GSE1: variants seen among roughly 807,000 people sequenced by gnomAD.
GSE1 encodes Gse1 coiled-coil protein.
In GSE1, 32 loss-of-function variants were observed where a neutral mutation model predicts 112.6. That is an observed-to-expected ratio of 0.28 (90% CI 0.21 to 0.38). The LOEUF (loss-of-function observed/expected upper bound fraction) is 0.38. Among genes scored for constraint, GSE1 ranks in the 10% least tolerant of loss-of-function variants. GSE1 has a pLI of 1.00. For missense variants in GSE1, 2,348 were observed against 1,699.2 expected, an observed-to-expected ratio of 1.38 and a Z score of -6.71; for synonymous variants, 1,115 against 735.6, an observed-to-expected ratio of 1.52 and a Z score of -8.35.
At chr16:85,450,709 A>G (rs1173969934) in intron 2 of GSE1, among the ~76,000 whole-genome samples, 1 of 149,594 alleles carries the variant, frequency 6.7e-6, no homozygotes, top group Non-Finnish European at 1.5e-5. Flanking sequence ...TTGGCCTCCC[A>G]AAGTGCTGGG....
chr16:85,213,020 C>T (rs576778297), intron 1 of GSE1, among the ~76,000 whole-genome samples: 133 of 152,178 alleles, frequency 8.7e-4, no homozygotes, highest in Non-Finnish European at 4.9e-4. Flanking sequence ...CCTGTAATCC[C>T]AACACTTTGG....
At chr16:85,624,321 C>T (rs2048927935) in intron 1 of GSE1, among the ~76,000 whole-genome samples, 1 of 152,198 alleles carries the variant, frequency 6.6e-6, no homozygotes, top group Admixed American at 6.5e-5. Context: ...GGAAGGCAGC[C>T]TGGTCAGCTC....
In GSE1 at chr16:85,194,991, C is replaced by G. The variant is rs941816632; in HGVS notation, c.2283+23184C>G. Among the ~76,000 whole-genome samples, 9 of 152,186 alleles carry G rather than the reference C, an allele frequency of 5.9e-5. No individual in the cohort carries two copies. In the South Asian group the frequency reaches 1.2e-3, roughly 21 times the overall value. The stretch of plus-strand genomic sequence containing the variant: ...AGTAGCTTTCAGATCATCATAAAGA[C>G]TTGTTCCCGGTACAGGAATCACTCA... On this transcript the variant is annotated intron_variant, in intron 1 of 2. Transcript: ENST00000637419.
intron 14 of GSE1, among the ~76,000 whole-genome samples, chr16:85,669,528 TGAG>T (rs2053156599): frequency 6.6e-6 from 1 of 152,160 alleles, no homozygotes; most frequent in African/African-American, 2.4e-5. Flanking sequence ...GTGGAATCTT[TGAG>T]TTTATTGCGC....
chr16:85,298,762 G>A (rs541784402), intron 1 of GSE1, among the ~76,000 whole-genome samples: 20 of 152,322 alleles, frequency 1.3e-4, no homozygotes, highest in Non-Finnish European at 2.4e-4. Context: ...ACAGATTCAC[G>A]CCCTTTGCAT....
upstream of GSE1, chr16:85,554,760 C>T (rs1001990698): frequency 1.7e-5 from 9 of 526,088 alleles, no homozygotes; most frequent in East Asian, 5.3e-4. Context: ...TCCCGGCTCC[C>T]GCAGCTGTCA....
At position 85,179,604 on chromosome 16, in the gene GSE1, A is replaced by G. The variant is rs577322530; in HGVS notation, c.2283+7797A>G. ...GGGTTTTCAGCAGGCAAATGACGTGATAGGGCTTAGGTTTGGAAAAGTCAT... is the reference window on the plus strand; with the variant it reads ...GGGTTTTCAGCAGGCAAATGACGTGGTAGGGCTTAGGTTTGGAAAAGTCAT... On this transcript the variant is annotated intron_variant, in intron 1 of 2. Coordinates refer to the GSE1 transcript ENST00000637419. 6.6e-4 allele frequency among the ~76,000 whole-genome samples: 100 copies of G among 152,278 alleles called. 4 individuals are homozygous for G. In the South Asian group the frequency reaches 0.017, roughly 26 times the overall value.
At chr16:85,471,730 TC>T (rs1163495867) in intron 2 of GSE1, among the ~76,000 whole-genome samples, 4 of 143,138 alleles carry the variant, frequency 2.8e-5, no homozygotes, top group South Asian at 2.3e-4. Context: ...TTACTTTTTT[TC>T]GATGATCTCG....
chr16:85,562,336 C>G (rs756066151), intron 1 of GSE1, among the ~76,000 whole-genome samples: 1 of 152,230 alleles, frequency 6.6e-6, no homozygotes, highest in Non-Finnish European at 1.5e-5. Context: ...AGCCCTTTTC[C>G]GAGGGGCCTG....
At chr16:85,457,710 C>G (rs999914709) in intron 2 of GSE1, among the ~76,000 whole-genome samples, 2 of 152,234 alleles carry the variant, frequency 1.3e-5, no homozygotes, top group African/African-American at 4.8e-5. Context: ...ACCCTCTGTC[C>G]TACGGGCATC....
At chr16:85,217,051 C>G (rs2075316546) in intron 1 of GSE1, among the ~76,000 whole-genome samples, 1 of 152,194 alleles carries the variant, frequency 6.6e-6, no homozygotes, top group Non-Finnish European at 1.5e-5. Flanking sequence ...GGATTTGGGG[C>G]CTTGGCTGCG....
intron 1 of GSE1, among the ~76,000 whole-genome samples, chr16:85,179,170 C>T (rs927817507): frequency 1.3e-5 from 2 of 152,114 alleles, no homozygotes; most frequent in African/African-American, 4.8e-5. Flanking sequence ...GTCGCCTCCT[C>T]CACCCACCCC....
At position 85,397,583 on chromosome 16, in the gene GSE1, C is replaced by G. The variant is rs573823645; in HGVS notation, c.2464+39940C>G. Among the ~76,000 whole-genome samples, 19 of 152,328 alleles carry G rather than the reference C, an allele frequency of 1.2e-4. No individual in the cohort carries two copies. In the South Asian group the frequency reaches 3.7e-3, roughly 30 times the overall value. On this transcript the variant is annotated intron_variant, in intron 2 of 2. Coordinates refer to the GSE1 transcript ENST00000637419. ...CTGTCATGTTGAGTTCACGAGGTTC[C>G]AAAGTCACCTTCCATGCAGGGAGCC...
intron 1 of GSE1, among the ~76,000 whole-genome samples, chr16:85,190,629 A>T (rs1395216439): frequency 6.6e-6 from 1 of 152,284 alleles, no homozygotes. Context: ...CTTGCCCACC[A>T]ATACGGAGGA....
intron 1 of GSE1, among the ~76,000 whole-genome samples, chr16:85,566,526 G>A (rs575604984): frequency 1.3e-5 from 2 of 152,296 alleles, no homozygotes; most frequent in East Asian, 1.9e-4. Flanking sequence ...CGGCCTCAGC[G>A]GAGAATTTCT....
At chr16:85,235,306 G>A (rs1055414623) in intron 1 of GSE1, among the ~76,000 whole-genome samples, 18 of 151,660 alleles carry the variant, frequency 1.2e-4, no homozygotes, top group Admixed American at 1.2e-3. Context: ...ACTGCTGGGG[G>A]GTGACGGCTC....
intron 1 of GSE1, among the ~76,000 whole-genome samples, chr16:85,246,200 TACACACACACACACACACAC>T (rs545313239): frequency 4.5e-5 from 4 of 89,054 alleles, no homozygotes; most frequent in African/African-American, 1.5e-4. Context: ...TCAGGGACCC[TACACACACACACACACACAC>T]ACACACACAC....
intron 8 of GSE1, chr16:85,659,624 C>T (rs2151949688): frequency 6.6e-6 from 1 of 152,316 alleles, no homozygotes; most frequent in South Asian, 2.1e-4. Flanking sequence ...GGGATTGCTC[C>T]TGTAAATAGC....
At chr16:85,454,697 C>A (rs950852677) in intron 2 of GSE1, among the ~76,000 whole-genome samples, 2 of 152,184 alleles carry the variant, frequency 1.3e-5, no homozygotes, top group Non-Finnish European at 2.9e-5. Flanking sequence ...CAGCTGCTGG[C>A]GGTGCCGGCC....
Sources: allele counts gnomAD v4.1 joint callset (sites outside exome capture counted in the v4.1 genomes callset), GRCh38; gene constraint gnomAD v4.1.1; transcripts MANE v1.5; gene names NCBI Gene and HGNC (gene_info 2026-07-23, HGNC 2026-07-21).